The following EPS15 variants were observed in gnomAD, a reference collection of about 807,000 sequenced individuals.
The protein encoded by EPS15 is epidermal growth factor receptor substrate 15.
A neutral mutation model predicts 113.8 loss-of-function variants in EPS15; 72 were observed. The observed-to-expected ratio is 0.63, with a 90% CI of 0.52 to 0.77. The LOEUF (loss-of-function observed/expected upper bound fraction) is 0.77, where lower values mean the gene tolerates loss of function less well. Ranked by LOEUF, EPS15 falls within the 30% of genes least tolerant of loss-of-function variation. The pLI, the probability that EPS15 is intolerant of heterozygous loss-of-function variation, is 0.00. For synonymous variants in EPS15, 344 were observed against 363.4 expected (o/e 0.95, Z 0.61); for missense variants, 1,048 against 1,045.8 (o/e 1.00, Z -0.03).
At chr1:51,491,171 T>A (rs1247489825) in intron 1 of EPS15, among the ~76,000 whole-genome samples, 1 of 152,184 alleles carries the variant, frequency 6.6e-6, no homozygotes, top group Non-Finnish European at 1.5e-5. Context: ...CTTTAAAAAA[T>A]TTTTTAGTCT....
intron 5 of EPS15, among the ~76,000 whole-genome samples, chr1:51,465,879 T>C (rs1407813074): frequency 1.3e-5 from 2 of 151,068 alleles, no homozygotes; most frequent in African/African-American, 4.9e-5. Context: ...TTCTAAAATG[T>C]TGAGTTTAAA....
chr1:51,391,124 C>T (rs1349354183), intron 21 of EPS15, among the ~76,000 whole-genome samples: 1 of 152,172 alleles, frequency 6.6e-6, no homozygotes, highest in Non-Finnish European at 1.5e-5. Flanking sequence ...CCATGGAATA[C>T]TATGGAGCCA....
intron 21 of EPS15, among the ~76,000 whole-genome samples, chr1:51,384,458 G>A (rs1647016267): frequency 6.6e-6 from 1 of 151,824 alleles, no homozygotes; most frequent in Admixed American, 6.6e-5. Flanking sequence ...ATGCCACTAT[G>A]CCTGGCTAAT....
At chr1:51,385,835 T>G (rs1647053827) in intron 21 of EPS15, among the ~76,000 whole-genome samples, 1 of 152,126 alleles carries the variant, frequency 6.6e-6, no homozygotes. Context: ...TCCACTTATA[T>G]GAAGTATGCA....
At chr1:51,359,060 C>G (rs1418014423) in intron 24 of EPS15, among the ~76,000 whole-genome samples, 1 of 152,008 alleles carries the variant, frequency 6.6e-6, no homozygotes, top group Non-Finnish European at 1.5e-5. Flanking sequence ...CCACAAACTA[C>G]CAGAGGGTTA....
At chr1:51,385,906 G>A (rs1412368591) in intron 21 of EPS15, among the ~76,000 whole-genome samples, 1 of 152,084 alleles carries the variant, frequency 6.6e-6, no homozygotes, top group Non-Finnish European at 1.5e-5. Flanking sequence ...ATTATTTAAT[G>A]GATACAGAAT....
At chr1:51,357,426 A>ATATAT (rs1443627608) in intron 24 of EPS15, among the ~76,000 whole-genome samples, 47 of 53,524 alleles carry the variant, frequency 8.8e-4, no homozygotes, top group East Asian at 2.4e-3. Flanking sequence ...ATATATATAT[A>ATATAT]TTTTTTTTTT....
At chr1:51,412,247 T>C (rs150987885) in intron 13 of EPS15, among the ~76,000 whole-genome samples, 14 of 152,228 alleles carry the variant, frequency 9.2e-5, no homozygotes, top group Admixed American at 4.6e-4. Flanking sequence ...TTAGGACAAA[T>C]ACCTAATACA....
At chr1:51,463,539 C>CA in intron 7 of EPS15, 134 bp downstream of exon 7, 2 of 532,098 alleles carry the variant, frequency 3.8e-6, no homozygotes, top group Non-Finnish European at 3.2e-6. Flanking sequence ...AGTCAGAAAA[C>CA]AAAAAATCCT....
chr1:51,508,338 G>GGAA (rs1644553237), intron 1 of EPS15, among the ~76,000 whole-genome samples: 58 of 122,330 alleles, frequency 4.7e-4, no homozygotes, highest in African/African-American at 1.8e-3. Context: ...AAGAGAAAGA[G>GGAA]AGAAAGAAAG....
intron 21 of EPS15, among the ~76,000 whole-genome samples, chr1:51,393,533 T>G (rs1647607058): frequency 6.6e-6 from 1 of 152,248 alleles, no homozygotes; most frequent in South Asian, 2.1e-4. Flanking sequence ...ATTCTTTTTC[T>G]ATGTTCATAA....
chr1:51,418,640 G>C (rs1288559893), intron 13 of EPS15, among the ~76,000 whole-genome samples: 2 of 152,106 alleles, frequency 1.3e-5, no homozygotes, highest in Non-Finnish European at 2.9e-5. Context: ...AGAGAAGAAA[G>C]AGCTTAAAGG....
intron 21 of EPS15, among the ~76,000 whole-genome samples, chr1:51,380,746 C>T (rs1304685326): frequency 6.6e-6 from 1 of 151,824 alleles, no homozygotes; most frequent in African/African-American, 2.4e-5. Flanking sequence ...TGAAAAGACA[C>T]AAACTGGTAG....
chr1:51,372,203 C>T (rs1174660762), intron 21 of EPS15: 1 of 435,388 alleles, frequency 2.3e-6, no homozygotes, highest in East Asian at 7.0e-5. Context: ...ACAGGAGTTG[C>T]TGCTACTGCT....
At chr1:51,357,759 GAC>G (rs1646274211) in intron 24 of EPS15, among the ~76,000 whole-genome samples, 1 of 138,114 alleles carries the variant, frequency 7.2e-6, no homozygotes, top group Admixed American at 7.4e-5. Context: ...TTTTTTTTGA[GAC>G]AGAGTTTTCG....
intron 19 of EPS15, 43 bp downstream of exon 19, chr1:51,400,875 A>T (rs1648477761): frequency 1.4e-6 from 2 of 1,386,300 alleles, no homozygotes; most frequent in Non-Finnish European, 2.0e-6. Context: ...ATTATTAAGC[A>T]GAAATGAATG....
chr1:51,460,656 A>G (rs186930155), intron 8 of EPS15, among the ~76,000 whole-genome samples: 5 of 152,172 alleles, frequency 3.3e-5, no homozygotes, highest in Admixed American at 1.3e-4. Flanking sequence ...TAAATTCTAT[A>G]TAAGAATGTT....
At chr1:51,393,344 G>A (rs1490070866) in intron 21 of EPS15, among the ~76,000 whole-genome samples, 2 of 152,134 alleles carry the variant, frequency 1.3e-5, no homozygotes, top group African/African-American at 4.8e-5. Flanking sequence ...CAAGTAGCTG[G>A]GATTATAGGC....
chr1:51,364,075 G>A (rs1380637697), intron 22 of EPS15, 47 bp from the exon 23 acceptor site: 1 of 1,428,514 alleles, frequency 7.0e-7, no homozygotes, highest in East Asian at 2.4e-5. Context: ...CAAGCAAATT[G>A]TGGTAGTCAT....
Sources: gnomAD v4.1 joint callset for allele counts (sites outside exome capture counted in the v4.1 genomes callset) on GRCh38, gnomAD v4.1.1 for gene constraint, MANE v1.5 for transcripts, NCBI Gene and HGNC (gene_info 2026-07-23, HGNC 2026-07-21) for gene names.